The following TMEM178B variants were observed in gnomAD, a reference collection of about 807,000 sequenced individuals.
TMEM178B encodes transmembrane protein 178B.
TMEM178B carries 5 observed loss-of-function variants against 31.0 expected under a neutral mutation model. The observed-to-expected ratio is 0.16, with a 90% CI of 0.08 to 0.34. The LOEUF (loss-of-function observed/expected upper bound fraction) is 0.34, where lower values mean the gene tolerates loss of function less well. TMEM178B is among the 10% of genes least tolerant of loss of function. The probability of loss-of-function intolerance (pLI) is 1.00; values close to 1 mark genes in which losing one functional copy is unlikely to be tolerated. For missense variants in TMEM178B, 275 were observed against 400.3 expected (o/e 0.69, Z 2.67); for synonymous variants, 164 against 164.0 (o/e 1.00, Z 0.00).
rs558647025 is a variant in TMEM178B at position 141,423,100 on chromosome 7, C to T, written c.497-14508C>T. Among the ~76,000 whole-genome samples the T allele has an allele frequency of 3.9e-5, 6 of 152,286 alleles. No individual in the cohort carries two copies. In the East Asian group the frequency reaches 5.8e-4, roughly 15 times the overall value. On this transcript the variant is annotated intron_variant, in intron 2 of 3. Coordinates refer to ENST00000565468, the MANE Select transcript of TMEM178B (RefSeq NM_001195278.2). The stretch of plus-strand genomic sequence containing the variant: ...TGTCACCCAGGCTGGAGTGCAGTGG[C>T]GTGATCTCGGCTCACTGTAACCTCC...
chr7:141,215,334 A>ATTTT (rs779584995), intron 2 of TMEM178B, among the ~76,000 whole-genome samples: 7 of 59,136 alleles, frequency 1.2e-4, no homozygotes, highest in East Asian at 7.0e-4. Context: ...TATTATTATT[A>ATTTT]TTATTTTTTG....
At chr7:141,356,879 G>T (rs1799828992) in intron 2 of TMEM178B, among the ~76,000 whole-genome samples, 3 of 152,012 alleles carry the variant, frequency 2.0e-5, no homozygotes, top group African/African-American at 7.2e-5. Context: ...CCACTTCACT[G>T]CAAACATGAT....
intron 2 of TMEM178B, among the ~76,000 whole-genome samples, chr7:141,219,005 G>A (rs1797210355): frequency 6.6e-6 from 1 of 152,190 alleles, no homozygotes; most frequent in African/African-American, 2.4e-5. Context: ...TCCTTGTTAT[G>A]AGAAGATGAA....
At chr7:141,441,816 C>T (rs1034654890) in intron 3 of TMEM178B, among the ~76,000 whole-genome samples, 8 of 152,330 alleles carry the variant, frequency 5.3e-5, no homozygotes, top group African/African-American at 1.9e-4. Context: ...CCAGGTTTAA[C>T]TATTTCCTGG....
At chr7:141,367,862 G>C (rs916451447) in intron 2 of TMEM178B, among the ~76,000 whole-genome samples, 3 of 152,022 alleles carry the variant, frequency 2.0e-5, no homozygotes, top group African/African-American at 7.2e-5. Context: ...CCAAGCAGAG[G>C]AAAGCACGAA....
chr7:141,118,870 T>C (rs1795366104), intron 1 of TMEM178B, among the ~76,000 whole-genome samples: 1 of 152,156 alleles, frequency 6.6e-6, no homozygotes, highest in African/African-American at 2.4e-5. Flanking sequence ...CTTCGGAAAA[T>C]CTTACTTCCT....
chr7:141,351,383 G>A (rs532998468), intron 2 of TMEM178B, among the ~76,000 whole-genome samples: 4 of 152,368 alleles, frequency 2.6e-5, no homozygotes, highest in African/African-American at 9.6e-5. Context: ...TAGCCGGAAC[G>A]GCTGGTCACT....
chr7:141,377,239 A>C (rs1210811173), intron 2 of TMEM178B, among the ~76,000 whole-genome samples: 2 of 151,562 alleles, frequency 1.3e-5, no homozygotes, highest in African/African-American at 4.8e-5. Flanking sequence ...GCTGGAGTGC[A>C]ATGGAGCTAT....
downstream of TMEM178B, among the ~76,000 whole-genome samples, chr7:141,482,627 G>C (rs1802497195): frequency 6.6e-6 from 1 of 152,172 alleles, no homozygotes; most frequent in African/African-American, 2.4e-5. Flanking sequence ...ACCACGCTCG[G>C]ATTCAATGAT....
intron 1 of TMEM178B, among the ~76,000 whole-genome samples, chr7:141,092,518 C>G (rs984930825): frequency 3.7e-4 from 56 of 152,100 alleles, no homozygotes; most frequent in Non-Finnish European, 7.4e-5. Context: ...TATGCTTCTC[C>G]TTCATGATGC....
intron 1 of TMEM178B, among the ~76,000 whole-genome samples, chr7:141,103,587 A>C (rs1263110295): frequency 6.6e-6 from 1 of 152,082 alleles, no homozygotes; most frequent in African/African-American, 2.4e-5. Flanking sequence ...CCTGGCTCAT[A>C]GTCAGTCCAT....
At chr7:141,469,751 C>T (rs1217070103) in intron 3 of TMEM178B, among the ~76,000 whole-genome samples, 1 of 152,212 alleles carries the variant, frequency 6.6e-6, no homozygotes, top group Non-Finnish European at 1.5e-5. Context: ...CATTTTATAT[C>T]ATTCTACCTC....
At chr7:141,312,573 G>A (rs1166280772) in intron 2 of TMEM178B, among the ~76,000 whole-genome samples, 1 of 152,196 alleles carries the variant, frequency 6.6e-6, no homozygotes, top group Non-Finnish European at 1.5e-5. Flanking sequence ...AGTTTCTGAG[G>A]ATTGCTTCAG....
intron 2 of TMEM178B, among the ~76,000 whole-genome samples, chr7:141,329,790 A>G (rs1408438568): frequency 2.0e-5 from 3 of 152,234 alleles, no homozygotes; most frequent in African/African-American, 7.2e-5. Flanking sequence ...TGCTATTATC[A>G]GGGAACTGAT....
At chr7:141,504,115 T>G in the TMEM178B span, among the ~76,000 whole-genome samples, 1 of 152,240 alleles carries the variant, frequency 6.6e-6, no homozygotes, top group Non-Finnish European at 1.5e-5. Context: ...CTCCTGATTT[T>G]TACTATTCTA....
intron 1 of TMEM178B, among the ~76,000 whole-genome samples, chr7:141,089,884 A>G (rs1454665770): frequency 6.6e-6 from 1 of 152,120 alleles, no homozygotes; most frequent in African/African-American, 2.4e-5. Flanking sequence ...GGGGAGGGAT[A>G]GCATTAGGAG....
chr7:141,310,047 C>T (rs1288064997), intron 2 of TMEM178B, among the ~76,000 whole-genome samples: 5 of 152,056 alleles, frequency 3.3e-5, no homozygotes, highest in Admixed American at 6.6e-5. Context: ...TAACAAAAAA[C>T]GTCAAAAGCA....
chr7:141,288,562 G>A (rs1798490453), intron 2 of TMEM178B, among the ~76,000 whole-genome samples: 1 of 151,886 alleles, frequency 6.6e-6, no homozygotes, highest in South Asian at 2.1e-4. Context: ...ATCCCCTCTG[G>A]CATCTCTCTT....
At chr7:141,371,216 G>C (rs2116569137) in intron 2 of TMEM178B, among the ~76,000 whole-genome samples, 1 of 152,276 alleles carries the variant, frequency 6.6e-6, no homozygotes, top group Admixed American at 6.5e-5. Flanking sequence ...TTATGGGCTG[G>C]ATTGCTCATG....
Sources: gnomAD v4.1 joint callset for allele counts (sites outside exome capture counted in the v4.1 genomes callset) on GRCh38, gnomAD v4.1.1 for gene constraint, MANE v1.5 for transcripts, NCBI Gene and HGNC (gene_info 2026-07-23, HGNC 2026-07-21) for gene names.